SLCO3A1: variants seen among roughly 807,000 people sequenced by gnomAD.
SLCO3A1 encodes the protein solute carrier organic anion transporter family member 3A1, also known as PGE1 transporter.
Under a neutral mutation model 63.1 loss-of-function variants are expected in SLCO3A1, and 27 were observed. The observed-to-expected ratio is 0.43, with a 90% CI of 0.32 to 0.59. SLCO3A1 has a LOEUF of 0.59. SLCO3A1 is among the 20% of genes least tolerant of loss of function. The pLI, the probability that SLCO3A1 is intolerant of heterozygous loss-of-function variation, is 0.09. For missense variants in SLCO3A1, 773 were observed against 945.8 expected (o/e 0.82, Z 2.40); for synonymous variants, 473 against 409.9 (o/e 1.15, Z -1.86).
chr15:92,090,817 G>A (rs1383905260), intron 2 of SLCO3A1, among the ~76,000 whole-genome samples: 1 of 152,044 alleles, frequency 6.6e-6, no homozygotes, highest in African/African-American at 2.4e-5. Context: ...CCCTTCCCTG[G>A]GTCTTTCTGT....
intron 1 of SLCO3A1, among the ~76,000 whole-genome samples, chr15:91,889,592 C>T (rs1199701127): frequency 6.6e-6 from 1 of 152,206 alleles, no homozygotes; most frequent in African/African-American, 2.4e-5. Flanking sequence ...AATTATTGCA[C>T]CTAGAATATG....
rs1407378267 is a variant in SLCO3A1, at chr15:91,897,441, ACT to A, written c.181-18549_181-18548del. Among the ~76,000 whole-genome samples, 3 of 151,802 alleles carry A rather than the reference ACT, an allele frequency of 2.0e-5. No individual in the cohort carries two copies. The highest frequency in any genetic ancestry group is 7.3e-5 in the African/African-American group (3 of 41,110). On this transcript the variant is annotated intron_variant, in intron 1 of 9. Transcript: ENST00000318445. This position sits in a 1 kb window ranked among gnomAD's most constrained non-coding sequence, Gnocchi z 4.7. ...ACTCCAGCCTGGGCAATGGAGCGAG[ACT>A]CTGTCTAAAAACAAACAAACAAACA...
intron 2 of SLCO3A1, among the ~76,000 whole-genome samples, chr15:92,042,787 G>A (rs1256676079): frequency 6.6e-6 from 1 of 152,132 alleles, no homozygotes; most frequent in East Asian, 1.9e-4. Flanking sequence ...AAGGCACACT[G>A]AGAAATCAGC....
chr15:92,160,615 A>T (rs1166803394), intron 9 of SLCO3A1, among the ~76,000 whole-genome samples: 1 of 152,050 alleles, frequency 6.6e-6, no homozygotes, highest in Non-Finnish European at 1.5e-5. Flanking sequence ...GTTTAATGAG[A>T]TTTCAACCAG....
At chr15:92,080,714 C>A (rs771206747) in intron 2 of SLCO3A1, among the ~76,000 whole-genome samples, 1 of 152,280 alleles carries the variant, frequency 6.6e-6, no homozygotes, top group Non-Finnish European at 1.5e-5. Context: ...TGCTCACACT[C>A]GTGGCGGCAT....
chr15:91,954,567 A>G lies in SLCO3A1; in HGVS notation c.646+38109A>G, dbSNP rs1041609784. Among the ~76,000 whole-genome samples the G allele has an allele frequency of 1.2e-3, 185 of 152,318 alleles. 1 individual carries two copies. Among genetic ancestry groups the G allele is most frequent in the Admixed American group, 0.012 (180 of 15,292 alleles). On this transcript the variant is annotated intron_variant, in intron 2 of 9. Coordinates refer to ENST00000318445, the MANE Select transcript of SLCO3A1 (RefSeq NM_013272.4). This position sits in a 1 kb window ranked among gnomAD's most constrained non-coding sequence, Gnocchi z 4.7. The stretch of plus-strand genomic sequence containing the variant: ...GCCCCGCAGGCTTTCCTGAGAAGTG[A>G]ATCCAGGCGCAGAAGGAAGAGGAAG...
intron 2 of SLCO3A1, among the ~76,000 whole-genome samples, chr15:91,977,675 T>C (rs1386437481): frequency 1.3e-5 from 2 of 151,930 alleles, no homozygotes; most frequent in Non-Finnish European, 2.9e-5. Flanking sequence ...ACTGCTTGGG[T>C]GATGGGTGCA....
rs2046901009 is a variant in SLCO3A1, at chr15:92,047,584, TATATATATA to T, written c.647-47289_647-47281del. 7.1e-4 allele frequency among the ~76,000 whole-genome samples: 7 copies of T among 9,882 alleles called. 2 individuals are homozygous for T. The South Asian group carries it at 0.01, about 14-fold the overall frequency. 6.5% of individuals were successfully genotyped at this position (9,882 alleles called of 152,430 possible). On this transcript the variant is annotated intron_variant, in intron 2 of 9. Transcript: ENST00000318445. ...AATATATATATAAATATATATATAA[TATATATATA>T]ATATATAATATATATATAATATATA...
chr15:91,924,411 A>G (rs191825190), intron 2 of SLCO3A1, among the ~76,000 whole-genome samples: 5 of 152,324 alleles, frequency 3.3e-5, no homozygotes, highest in Admixed American at 3.3e-4. Flanking sequence ...TCTCGAACAC[A>G]TGGTAGCTCA....
intron 2 of SLCO3A1, among the ~76,000 whole-genome samples, chr15:91,933,348 A>T (rs988046330): frequency 6.6e-6 from 1 of 152,218 alleles, no homozygotes; most frequent in Non-Finnish European, 1.5e-5. Context: ...TGAGAATTCT[A>T]GCTTCTAAGC....
intron 2 of SLCO3A1, among the ~76,000 whole-genome samples, chr15:91,982,901 C>T (rs1328543024): frequency 1.3e-5 from 2 of 152,194 alleles, no homozygotes; most frequent in Non-Finnish European, 2.9e-5. Context: ...GGATCAGGAC[C>T]CTCTCCAGGG....
chr15:92,124,451 C>A (rs2047898134), intron 5 of SLCO3A1, among the ~76,000 whole-genome samples: 1 of 152,124 alleles, frequency 6.6e-6, no homozygotes. Context: ...AAACACAGGC[C>A]TGCTTTCTGG....
intron 2 of SLCO3A1, among the ~76,000 whole-genome samples, chr15:91,965,973 C>A (rs571950410): frequency 6.6e-6 from 1 of 152,196 alleles, no homozygotes; most frequent in South Asian, 2.1e-4. Context: ...TTTCTGAATT[C>A]GGTGTCATTT....
At chr15:91,949,762 C>T (rs1899935613) in intron 2 of SLCO3A1, among the ~76,000 whole-genome samples, 1 of 151,164 alleles carries the variant, frequency 6.6e-6, no homozygotes, top group South Asian at 2.1e-4. Context: ...CTTGGGAGGT[C>T]AAGGCAGGAG....
chr15:91,880,153 CCA>C (rs1897527147), intron 1 of SLCO3A1, among the ~76,000 whole-genome samples: 1 of 149,194 alleles, frequency 6.7e-6, no homozygotes, highest in African/African-American at 2.5e-5. Context: ...ATCCATCCAT[CCA>C]TCCATCCATC....
At chr15:91,867,401 GC>G (rs1389297613) in intron 1 of SLCO3A1, among the ~76,000 whole-genome samples, 1 of 152,186 alleles carries the variant, frequency 6.6e-6, no homozygotes, top group Non-Finnish European at 1.5e-5. Flanking sequence ...AGGGTCCTGG[GC>G]CTGAGGACAA....
Position 92,132,331 on chromosome 15 carries a change from T to C in SLCO3A1, c.1512+3842T>C, listed in dbSNP as rs1433688472. Among the ~76,000 whole-genome samples, 12 of 145,398 alleles carry C rather than the reference T, an allele frequency of 8.3e-5. 2 individuals are homozygous for C. Among genetic ancestry groups the C allele is most frequent in the African/African-American group, 2.7e-4 (11 of 40,044 alleles). ...ATTAAACTTTTCTTCCTGCTCTGGA[T>C]TGGATTTTTTTTTTTTATTTTCTTA... On this transcript the variant is annotated intron_variant, in intron 7 of 9. Transcript: ENST00000318445.
chr15:92,091,389 C>T (rs2047474468), intron 2 of SLCO3A1, among the ~76,000 whole-genome samples: 2 of 152,224 alleles, frequency 1.3e-5, no homozygotes, highest in South Asian at 4.1e-4. Flanking sequence ...AGGGATCCTG[C>T]ATCTCAGTAC....
intron 9 of SLCO3A1, among the ~76,000 whole-genome samples, chr15:92,151,826 G>A (rs1322137760): frequency 6.6e-6 from 1 of 152,196 alleles, no homozygotes; most frequent in Admixed American, 6.5e-5. Flanking sequence ...TGTATTTTTA[G>A]AGTAGAAATA....
Sources: gnomAD v4.1 joint callset for allele counts (sites outside exome capture counted in the v4.1 genomes callset) on GRCh38, gnomAD v4.1.1 for gene constraint, Gnocchi (gnomAD v3.1) non-coding constraint, MANE v1.5 for transcripts, NCBI Gene and HGNC (gene_info 2026-07-23, HGNC 2026-07-21) for gene names.